KCNMA1: variants seen among roughly 807,000 people sequenced by gnomAD.
The protein encoded by KCNMA1 is potassium calcium-activated channel subfamily M alpha 1.
In KCNMA1, 29 loss-of-function variants were observed where a neutral mutation model predicts 140.0. That is an observed-to-expected ratio of 0.21 (90% CI 0.15 to 0.28). The LOEUF (loss-of-function observed/expected upper bound fraction) is 0.28, where lower values mean the gene tolerates loss of function less well. Ranked by LOEUF, KCNMA1 falls within the 10% of genes least tolerant of loss-of-function variation. The pLI is 1.00. For synonymous variants in KCNMA1, 612 were observed against 611.9 expected (o/e 1.00, Z 0.00); for missense variants, 880 against 1,602.2 (o/e 0.55, Z 7.70).
chr10:77,131,253 T>C (rs1375037442), intron 5 of KCNMA1, among the ~76,000 whole-genome samples: 1 of 152,134 alleles, frequency 6.6e-6, no homozygotes, highest in Non-Finnish European at 1.5e-5. Context: ...CCAGACAAAC[T>C]GCAACACACA....
intron 1 of KCNMA1, among the ~76,000 whole-genome samples, chr10:77,519,717 C>G (rs1159659998): frequency 6.6e-6 from 1 of 152,170 alleles, no homozygotes; most frequent in African/African-American, 2.4e-5. Flanking sequence ...TCTGCAATTA[C>G]CTCAACAATT....
chr10:77,636,718 TC>T, intron 1 of KCNMA1: 1 of 1,509,602 alleles, frequency 6.6e-7, no homozygotes. Flanking sequence ...GCCATGCTCC[TC>T]CCCCGGGATT....
intron 2 of KCNMA1, among the ~76,000 whole-genome samples, chr10:77,360,969 G>A (rs1408114198): frequency 3.3e-5 from 5 of 152,128 alleles, no homozygotes; most frequent in Non-Finnish European, 5.9e-5. Context: ...TGACCCTGGG[G>A]CTCTCAGAAG....
chr10:76,967,543 G>A (rs989724334), intron 20 of KCNMA1, among the ~76,000 whole-genome samples: 8 of 152,190 alleles, frequency 5.3e-5, no homozygotes, highest in East Asian at 3.8e-4. Context: ...AAGGGATATG[G>A]AGAGAGGGCT....
chr10:77,391,833 C>T (rs1247146312), intron 2 of KCNMA1, among the ~76,000 whole-genome samples: 1 of 151,658 alleles, frequency 6.6e-6, no homozygotes, highest in Non-Finnish European at 1.5e-5. Context: ...GCATGCACTC[C>T]CCTGCAACGA....
At chr10:77,481,051 G>GC (rs1296527689) in intron 1 of KCNMA1, among the ~76,000 whole-genome samples, 5 of 151,548 alleles carry the variant, frequency 3.3e-5, no homozygotes, top group African/African-American at 4.9e-5. Context: ...CTGGAAGGGG[G>GC]AGGTTCCAGT....
intron 20 of KCNMA1, among the ~76,000 whole-genome samples, chr10:76,960,587 C>T (rs1027198784): frequency 4.6e-5 from 6 of 130,742 alleles, no homozygotes; most frequent in East Asian, 2.3e-4. Context: ...TTCAACTTTG[C>T]TGTATTGCAC....
intron 1 of KCNMA1, among the ~76,000 whole-genome samples, chr10:77,522,029 G>A (rs2053563129): frequency 1.3e-5 from 2 of 152,074 alleles, no homozygotes; most frequent in South Asian, 4.2e-4. Context: ...ACAAAAATTA[G>A]CCAGGCGTGG....
chr10:77,383,699 A>G (rs983580731), intron 2 of KCNMA1, among the ~76,000 whole-genome samples: 12 of 152,118 alleles, frequency 7.9e-5, no homozygotes, highest in Non-Finnish European at 1.6e-4. Context: ...CTAAATTTCC[A>G]CTTACAGCAT....
chr10:77,280,690 C>CTTT (rs36008118), intron 2 of KCNMA1, among the ~76,000 whole-genome samples: 2 of 134,296 alleles, frequency 1.5e-5, no homozygotes, highest in Non-Finnish European at 3.2e-5. Flanking sequence ...CCATGCCTGG[C>CTTT]TTTTTTTTTT....
chr10:76,900,248 AG>A (rs1485084812), intron 25 of KCNMA1, among the ~76,000 whole-genome samples: 1 of 87,092 alleles, frequency 1.1e-5, no homozygotes. Context: ...TTTAATGGAA[AG>A]TTATCAGAAA....
chr10:76,991,464 C>T (rs1356216982), intron 19 of KCNMA1, among the ~76,000 whole-genome samples: 1 of 152,150 alleles, frequency 6.6e-6, no homozygotes. Context: ...TTTCTTACTA[C>T]ATTTTTCCCT....
intron 14 of KCNMA1, among the ~76,000 whole-genome samples, chr10:77,044,630 CAG>C (rs1245170148): frequency 6.6e-6 from 1 of 152,130 alleles, no homozygotes; most frequent in Non-Finnish European, 1.5e-5. Flanking sequence ...GCATGGGCAA[CAG>C]AGAGAGATCC....
chr10:76,898,122 T>C (rs745869991), intron 25 of KCNMA1, among the ~76,000 whole-genome samples: 23 of 151,540 alleles, frequency 1.5e-4, no homozygotes, highest in Non-Finnish European at 2.5e-4. Flanking sequence ...TAAACATAAA[T>C]GAGCTAAATG....
intron 1 of KCNMA1, chr10:77,587,171 C>A (rs2077484098): frequency 6.6e-6 from 1 of 152,096 alleles, no homozygotes; most frequent in African/African-American, 2.4e-5. Flanking sequence ...AAACAAAGCA[C>A]AGTTTGAACT....
At chr10:76,975,986 A>T (rs1175526695) in intron 19 of KCNMA1, among the ~76,000 whole-genome samples, 1 of 152,148 alleles carries the variant, frequency 6.6e-6, no homozygotes, top group African/African-American at 2.4e-5. Context: ...TATCTCAAAC[A>T]TATACACCTC....
chr10:77,507,648 C>T (rs1202955682), intron 1 of KCNMA1, among the ~76,000 whole-genome samples: 2 of 152,188 alleles, frequency 1.3e-5, no homozygotes, highest in African/African-American at 4.8e-5. Flanking sequence ...TGACCCAGCT[C>T]CAAGATCTGA....
chr10:77,251,296 A>C (rs2059613921), intron 2 of KCNMA1, 40 bp from the exon 3 acceptor site: 1 of 1,545,774 alleles, frequency 6.5e-7, no homozygotes, highest in African/African-American at 1.4e-5. Flanking sequence ...TAAGAGTTGG[A>C]CCTCAGGATG....
At chr10:76,974,752 T>C (rs944960192) in intron 19 of KCNMA1, among the ~76,000 whole-genome samples, 2 of 152,212 alleles carry the variant, frequency 1.3e-5, no homozygotes, top group African/African-American at 2.4e-5. Flanking sequence ...GCAATTCTTT[T>C]TGCCGTCTTA....
Sources: allele counts gnomAD v4.1 joint callset (sites outside exome capture counted in the v4.1 genomes callset), GRCh38; gene constraint gnomAD v4.1.1; transcripts MANE v1.5; gene names NCBI Gene and HGNC (gene_info 2026-07-23, HGNC 2026-07-21).